PCDHGA1: variants seen among roughly 807,000 people sequenced by gnomAD.
PCDHGA1 encodes protocadherin gamma subfamily A, 1, also known as protocadherin gamma-A1.
A neutral mutation model predicts 58.0 loss-of-function variants in PCDHGA1; 32 were observed. The observed-to-expected ratio is 0.55, with a 90% CI of 0.42 to 0.74. PCDHGA1 has a LOEUF of 0.74. Among genes scored for constraint, PCDHGA1 ranks in the 30% least tolerant of loss-of-function variants. PCDHGA1 has a pLI of 0.00. For missense variants in PCDHGA1, 1,205 were observed against 1,182.3 expected (o/e 1.02, Z -0.28); for synonymous variants, 498 against 501.1 (o/e 0.99, Z 0.08).
intron 1 of PCDHGA1, among the ~76,000 whole-genome samples, chr5:141,353,110 G>A (rs954233030): frequency 6.6e-6 from 1 of 152,146 alleles, no homozygotes; most frequent in African/African-American, 2.4e-5. Flanking sequence ...GATAGATGGA[G>A]ATTGCTTTCT....
chr5:141,510,986 G>A lies in PCDHGA1; in HGVS notation c.2609G>A (p.Gly870Asp), dbSNP rs754203270. The A allele has an allele frequency of 6.2e-7, 1 of 1,614,166 alleles. No individual in the cohort carries two copies. The highest frequency in any genetic ancestry group is 8.5e-7 in the Non-Finnish European group (1 of 1,180,012). The change falls in exon 4 of 4, where the codon GGC becomes GAC. Residue 870 changes from glycine to aspartate, a missense_variant. Physicochemically the swap from Gly to Asp is moderately conservative, Grantham distance 94. Transcript: ENST00000517417. ...DGSSTLGGGA[G>D]TMGLSARYGP... ...AGCTCCACCCTGGGAGGGGGTGCCG[G>A]CACCATGGGATTGAGCGCCCGCTAC... is the stretch of plus-strand genomic sequence containing the variant.
intron 1 of PCDHGA1, among the ~76,000 whole-genome samples, chr5:141,337,495 T>C (rs1756686555): frequency 6.6e-6 from 1 of 152,174 alleles, no homozygotes; most frequent in African/African-American, 2.4e-5. Flanking sequence ...TTCAAAGACA[T>C]GATATCAAGT....
At chr5:141,510,862 C>T (rs764422869) in intron 3 of PCDHGA1, 85 bp from the exon 4 acceptor site, 22 of 1,606,772 alleles carry the variant, frequency 1.4e-5, no homozygotes, top group Non-Finnish European at 1.7e-5. Flanking sequence ...GCTGTATAGG[C>T]ATTCATTAAC....
At chr5:141,422,959 C>G in intron 1 of PCDHGA1, 1 of 1,614,234 alleles carries the variant, frequency 6.2e-7, no homozygotes, top group Non-Finnish European at 8.5e-7. Flanking sequence ...TGGCGTGGAG[C>G]TGGCGCCCCG....
intron 1 of PCDHGA1, chr5:141,376,323 G>C: frequency 2.5e-6 from 4 of 1,614,162 alleles, no homozygotes; most frequent in Non-Finnish European, 3.4e-6. Flanking sequence ...GAAGGGGTTC[G>C]GGCTTTCCTG....
In PCDHGA1 at chr5:141,348,858, T is replaced by C. The variant is rs959514515; in HGVS notation, c.2421+15753T>C. 3.3e-5 allele frequency among the ~76,000 whole-genome samples: 5 copies of C among 152,206 alleles called. No homozygotes were observed. In the East Asian group the frequency reaches 7.7e-4, roughly 24 times the overall value. ...AGTATGGGTGAGCACTGCAAAATAG[T>C]AGAATAAATTGTTGAGTTGGATCTC... On this transcript the variant is annotated intron_variant, in intron 1 of 3. Coordinates refer to ENST00000517417, the MANE Select transcript of PCDHGA1 (RefSeq NM_018912.3).
chr5:141,332,285 C>T lies in PCDHGA1; in HGVS notation c.1601C>T (p.Ala534Val). The change falls in exon 1 of 4, where the codon GCG (alanine) becomes GTG (valine). Residue 534 changes from alanine (A) to valine (V), a missense_variant. Transcript: ENST00000517417. This position sits in a 1 kb window ranked among gnomAD's most constrained non-coding sequence, Gnocchi z 4.6. ...QFRDMQLKVM[A>V]RDSGDPPLSS... ...CGGGACATGCAACTGAAAGTGATGG[C>T]GCGGGACAGTGGGGATCCGCCCCTC... is the stretch of plus-strand genomic sequence containing the variant. 1 of 1,614,198 alleles carries T rather than the reference C, an allele frequency of 6.2e-7. No individual in the cohort carries two copies. Among genetic ancestry groups the T allele is most frequent in the Non-Finnish European group, 8.5e-7 (1 of 1,180,040 alleles).
intron 1 of PCDHGA1, among the ~76,000 whole-genome samples, chr5:141,468,914 G>A (rs563780068): frequency 2.6e-5 from 4 of 151,700 alleles, no homozygotes; most frequent in Admixed American, 2.6e-4. Context: ...CAGACTAGAA[G>A]AGAATAGCAC....
chr5:141,339,775 C>A, intron 1 of PCDHGA1: 1 of 1,614,144 alleles, frequency 6.2e-7, no homozygotes, highest in Non-Finnish European at 8.5e-7. Flanking sequence ...CCGCCACTGA[C>A]GCAGATGAGG....
intron 1 of PCDHGA1, chr5:141,387,617 T>C (rs1169967462): frequency 3.5e-6 from 2 of 570,390 alleles, no homozygotes; most frequent in African/African-American, 3.8e-5. Context: ...AGTTTCCTAG[T>C]GCTGACTCTG....
At chr5:141,399,901 G>A (rs767228671) in intron 1 of PCDHGA1, 42 of 1,612,296 alleles carry the variant, frequency 2.6e-5, no homozygotes, top group African/African-American at 1.3e-5. Flanking sequence ...GGCCGTGGAC[G>A]CAGACTCAGG....
chr5:141,374,277 G>A, intron 1 of PCDHGA1: 4 of 1,613,958 alleles, frequency 2.5e-6, no homozygotes, highest in Non-Finnish European at 3.4e-6. Context: ...CACGGAGTCC[G>A]CATCGTCTCC....
At chr5:141,420,076 TC>T (rs2096464805) in intron 1 of PCDHGA1, 2 of 1,613,956 alleles carry the variant, frequency 1.2e-6, no homozygotes, top group East Asian at 2.2e-5. Flanking sequence ...GACCTGTGGG[TC>T]CCCCCAACTA....
At chr5:141,436,318 CTG>C (rs1309397202) in intron 1 of PCDHGA1, among the ~76,000 whole-genome samples, 1 of 152,154 alleles carries the variant, frequency 6.6e-6, no homozygotes, top group Non-Finnish European at 1.5e-5. Flanking sequence ...ATAGTCAAGA[CTG>C]TTAGACCATA....
intron 1 of PCDHGA1, chr5:141,428,270 C>T (rs1353416356): frequency 1.3e-6 from 1 of 778,952 alleles, no homozygotes. Flanking sequence ...AGTCCTGTGC[C>T]CTCTGATTCC....
intron 1 of PCDHGA1, among the ~76,000 whole-genome samples, chr5:141,338,455 G>GT (rs1415192372): frequency 2.0e-5 from 3 of 152,206 alleles, no homozygotes; most frequent in African/African-American, 7.2e-5. Context: ...GATGGAAGAT[G>GT]TTTGGAGCAA....
At chr5:141,336,422 C>T (rs1756619102) in intron 1 of PCDHGA1, among the ~76,000 whole-genome samples, 1 of 152,096 alleles carries the variant, frequency 6.6e-6, no homozygotes, top group African/African-American at 2.4e-5. Context: ...ACCATAGTAG[C>T]TCTACAAGAA....
intron 1 of PCDHGA1, chr5:141,430,546 G>A (rs1323295073): frequency 2.5e-6 from 1 of 402,156 alleles, no homozygotes; most frequent in Non-Finnish European, 4.4e-6. Context: ...GAGCGCCGCT[G>A]TTCACCAATC....
chr5:141,454,948 C>T (rs2098807728), intron 1 of PCDHGA1, among the ~76,000 whole-genome samples: 1 of 151,548 alleles, frequency 6.6e-6, no homozygotes, highest in Non-Finnish European at 1.5e-5. Flanking sequence ...GCTGGGACTA[C>T]AGGCGCCGGC....
Sources: allele counts gnomAD v4.1 joint callset (sites outside exome capture counted in the v4.1 genomes callset), GRCh38; gene constraint gnomAD v4.1.1; non-coding constraint Gnocchi (gnomAD v3.1); transcripts MANE v1.5; gene names NCBI Gene and HGNC (gene_info 2026-07-23, HGNC 2026-07-21).